The following NOS1AP variants were observed in gnomAD, a reference collection of about 807,000 sequenced individuals.
The protein encoded by NOS1AP is nitric oxide synthase 1 adaptor protein.
In NOS1AP, 21 loss-of-function variants were observed where a neutral mutation model predicts 56.2. The observed-to-expected ratio is 0.37, with a 90% CI of 0.26 to 0.54. The LOEUF (loss-of-function observed/expected upper bound fraction) is 0.54, where lower values mean the gene tolerates loss of function less well. NOS1AP is among the 20% of genes least tolerant of loss of function. The probability of loss-of-function intolerance (pLI) is 0.84; values close to 1 mark genes in which losing one functional copy is unlikely to be tolerated. For missense variants in NOS1AP, 522 were observed against 657.8 expected (o/e 0.79, Z 2.26); for synonymous variants, 270 against 274.6 (o/e 0.98, Z 0.17).
At chr1:162,332,114 G>A (rs904278252) in intron 4 of NOS1AP, among the ~76,000 whole-genome samples, 3 of 152,126 alleles carry the variant, frequency 2.0e-5, no homozygotes, top group Non-Finnish European at 4.4e-5. Context: ...ACCACACTCC[G>A]TTGAGCCTCC....
chr1:162,174,907 C>G (rs1419129685), intron 2 of NOS1AP, among the ~76,000 whole-genome samples: 2 of 152,238 alleles, frequency 1.3e-5, no homozygotes, highest in East Asian at 1.9e-4. Flanking sequence ...TGGTGATCTT[C>G]ACAATTTTGA....
rs771730767 is a variant in NOS1AP, at chr1:162,250,251, GT to G, written c.178-37091del. 1.5e-4 allele frequency among the ~76,000 whole-genome samples: 23 copies of G among 152,172 alleles called. No homozygotes were observed. In the East Asian group the frequency reaches 2.3e-3, roughly 15 times the overall value. ...TTATACAGACATCCTCCTCCAAGGT[GT>G]TATCTGATCATTGAAGTTAGCCTTC... On this transcript the variant is annotated intron_variant, in intron 2 of 9. Coordinates refer to ENST00000361897, the MANE Select transcript of NOS1AP (RefSeq NM_014697.3).
chr1:162,309,838 A>T (rs1004231953), intron 4 of NOS1AP, among the ~76,000 whole-genome samples: 1 of 152,234 alleles, frequency 6.6e-6, no homozygotes, highest in Admixed American at 6.5e-5. Context: ...GGGGATAAAG[A>T]TGGAAGGTTT....
chr1:162,080,990 G>C (rs1470440289), intron 1 of NOS1AP, among the ~76,000 whole-genome samples: 2 of 152,004 alleles, frequency 1.3e-5, no homozygotes, highest in Non-Finnish European at 2.9e-5. Context: ...TCTAGTAGTG[G>C]GTAGATCCCA....
At position 162,369,395 on chromosome 1, in the gene NOS1AP, C is replaced by G. The variant is rs1647302561; in HGVS notation, c.*1928C>G. The G allele has an allele frequency of 6.6e-6, 1 of 152,224 alleles. No homozygotes were observed. The highest frequency in any genetic ancestry group is 2.4e-5 in the African/African-American group (1 of 41,536). 9.4% of individuals were successfully genotyped at this position (152,224 alleles called of 1,614,324 possible). A position where few individuals can be genotyped will look rare whatever the true frequency, so the allele number is the denominator to read the frequency against. ...GCCTACCTAGCTTATGAAATCTAAC[C>G]CAGGGTTCCCTGAGTCCAAGACCAC... On this transcript the variant is annotated 3_prime_UTR_variant, in exon 10 of 10. Transcript: ENST00000361897.
chr1:162,205,745 A>G (rs532197303), intron 2 of NOS1AP, among the ~76,000 whole-genome samples: 37 of 152,242 alleles, frequency 2.4e-4, no homozygotes, highest in African/African-American at 8.4e-4. Context: ...GCCTGTTATA[A>G]TTCCCAGCTT....
At chr1:162,332,049 A>G (rs986178650) in intron 4 of NOS1AP, among the ~76,000 whole-genome samples, 1 of 152,222 alleles carries the variant, frequency 6.6e-6, no homozygotes, top group Admixed American at 6.5e-5. Flanking sequence ...AAAGCCTTCT[A>G]CATTTTGGCC....
At chr1:162,125,216 C>T (rs1648432803) in intron 1 of NOS1AP, among the ~76,000 whole-genome samples, 1 of 151,212 alleles carries the variant, frequency 6.6e-6, no homozygotes, top group Non-Finnish European at 1.5e-5. Context: ...TCACTGCAAC[C>T]TCCACCTCCT....
intron 2 of NOS1AP, among the ~76,000 whole-genome samples, chr1:162,263,041 C>T (rs1654290402): frequency 6.6e-6 from 1 of 152,174 alleles, no homozygotes. Context: ...TCTGTGAGTA[C>T]TCAAGAACAT....
chr1:162,265,677 C>T (rs1413812548), intron 2 of NOS1AP, among the ~76,000 whole-genome samples: 1 of 152,076 alleles, frequency 6.6e-6, no homozygotes, highest in Non-Finnish European at 1.5e-5. Flanking sequence ...TAACATTGAT[C>T]CCATTTTACA....
At chr1:162,243,083 G>T (rs773713509) in intron 2 of NOS1AP, among the ~76,000 whole-genome samples, 1 of 152,198 alleles carries the variant, frequency 6.6e-6, no homozygotes, top group Non-Finnish European at 1.5e-5. Context: ...ACTGTTCTCA[G>T]TCTTCAAGCT....
chr1:162,299,935 A>G (rs910639993), intron 3 of NOS1AP, among the ~76,000 whole-genome samples: 6 of 152,132 alleles, frequency 3.9e-5, no homozygotes, highest in East Asian at 1.9e-4. Flanking sequence ...CACCCTGTGC[A>G]TTATCTCTGA....
At chr1:162,337,566 G>A (rs1656980114) in intron 5 of NOS1AP, among the ~76,000 whole-genome samples, 1 of 152,178 alleles carries the variant, frequency 6.6e-6, no homozygotes, top group African/African-American at 2.4e-5. Context: ...CACTCTCTTT[G>A]TGGATGAGAA....
At chr1:162,310,675 C>T (rs1334516369) in intron 4 of NOS1AP, among the ~76,000 whole-genome samples, 1 of 152,294 alleles carries the variant, frequency 6.6e-6, no homozygotes, top group South Asian at 2.1e-4. Context: ...TTCATGCTGC[C>T]TAGCTTCTGT....
intron 2 of NOS1AP, among the ~76,000 whole-genome samples, chr1:162,187,856 C>A (rs1651492429): frequency 1.3e-5 from 2 of 152,158 alleles, no homozygotes; most frequent in Admixed American, 1.3e-4. Flanking sequence ...GTCTATGATG[C>A]CATGTGATGT....
intron 2 of NOS1AP, among the ~76,000 whole-genome samples, chr1:162,194,471 C>T (rs186687650): frequency 9.2e-5 from 14 of 152,262 alleles, no homozygotes; most frequent in East Asian, 5.8e-4. Context: ...TGTGTTGAGA[C>T]GTTTTCTCAA....
chr1:162,328,411 T>C (rs1457355793), intron 4 of NOS1AP, among the ~76,000 whole-genome samples: 2 of 152,176 alleles, frequency 1.3e-5, no homozygotes, highest in African/African-American at 2.4e-5. Context: ...ATTGTTTCCA[T>C]ATATTAAAAT....
chr1:162,127,779 C>T (rs1039158674), intron 1 of NOS1AP, among the ~76,000 whole-genome samples: 2 of 152,134 alleles, frequency 1.3e-5, no homozygotes, highest in South Asian at 4.1e-4. Context: ...TGGTGCAAAC[C>T]ATTCATGAGA....
At chr1:162,365,972 ATTGT>A (rs764120347) in intron 9 of NOS1AP, among the ~76,000 whole-genome samples, 166 of 152,142 alleles carry the variant, frequency 1.1e-3, no homozygotes, top group Non-Finnish European at 2.1e-3. Context: ...GAGACAGCAG[ATTGT>A]TTCTTAGTTT....
Sources: allele counts gnomAD v4.1 joint callset (sites outside exome capture counted in the v4.1 genomes callset), GRCh38; gene constraint gnomAD v4.1.1; transcripts MANE v1.5; gene names NCBI Gene and HGNC (gene_info 2026-07-23, HGNC 2026-07-21).